The following NRG2 variants were observed in gnomAD, a reference collection of about 807,000 sequenced individuals.
The protein encoded by NRG2 is pro-neuregulin-2, membrane-bound isoform.
Under a neutral mutation model 73.9 loss-of-function variants are expected in NRG2, and 27 were observed. The observed-to-expected ratio is 0.37, with a 90% CI of 0.27 to 0.50. The LOEUF (loss-of-function observed/expected upper bound fraction) is 0.50, where lower values mean the gene tolerates loss of function less well. Among genes scored for constraint, NRG2 ranks in the 20% least tolerant of loss-of-function variants. NRG2 has a pLI of 0.96. For missense variants in NRG2, 1,126 were observed against 1,210.1 expected (o/e 0.93, Z 1.03); for synonymous variants, 532 against 541.0 (o/e 0.98, Z 0.23).
At chr5:139,914,089 G>A (rs978107856) in intron 1 of NRG2, among the ~76,000 whole-genome samples, 1 of 152,316 alleles carries the variant, frequency 6.6e-6, no homozygotes, top group South Asian at 2.1e-4. Context: ...CCAGGAGGTT[G>A]AGGCTGCTGT....
intron 1 of NRG2, among the ~76,000 whole-genome samples, chr5:139,949,584 AT>A (rs1335245776): frequency 2.0e-5 from 3 of 152,148 alleles, no homozygotes; most frequent in Admixed American, 6.5e-5. Context: ...GTACATATAT[AT>A]TTTTTTCCTT....
intron 1 of NRG2, among the ~76,000 whole-genome samples, chr5:140,010,801 C>A (rs1008585066): frequency 2.6e-5 from 4 of 152,194 alleles, no homozygotes; most frequent in African/African-American, 4.8e-5. Flanking sequence ...ATAGCCAGAA[C>A]CCTCAGTGAT....
intron 1 of NRG2, among the ~76,000 whole-genome samples, chr5:139,960,930 T>C (rs1353628239): frequency 6.6e-6 from 1 of 152,196 alleles, no homozygotes; most frequent in Non-Finnish European, 1.5e-5. Flanking sequence ...CCCAGCCTCC[T>C]GCCAGCTCCT....
At position 139,904,385 on chromosome 5, in the gene NRG2, T is replaced by A; in HGVS notation, c.701-16874A>T. Reference sequence around the variant, plus strand: ...TTGCCGCGGCCGCGGCCCCTCCTCCTGGACTCCGACATTCTGCACGGGGTC... The same window carrying A: ...TTGCCGCGGCCGCGGCCCCTCCTCCAGGACTCCGACATTCTGCACGGGGTC... On this transcript the variant is annotated intron_variant, in intron 1 of 9. Coordinates refer to ENST00000361474, the MANE Select transcript of NRG2 (RefSeq NM_004883.3). The surrounding 1 kb of genome is among the most constrained non-coding windows in gnomAD (Gnocchi z 6.0). 1 of 1,570,462 alleles carries A rather than the reference T, an allele frequency of 6.4e-7. No individual in the cohort carries two copies. Among genetic ancestry groups the A allele is most frequent in the Non-Finnish European group, 8.6e-7 (1 of 1,161,158 alleles).
Position 139,870,166 on chromosome 5 carries a change from A to C in NRG2, c.1112+1555T>G, listed in dbSNP as rs942806396. Among the ~76,000 whole-genome samples the C allele has an allele frequency of 2.0e-5, 3 of 151,982 alleles. No homozygotes were observed. Among genetic ancestry groups the C allele is most frequent in the Admixed American group, 6.5e-5 (1 of 15,274 alleles). ...ATTTCTAGTAGATCTGTTCCAAAGAACTCTGAGCAAGTTTCACAGCTAGAA... is the reference window on the plus strand; with the variant it reads ...ATTTCTAGTAGATCTGTTCCAAAGACCTCTGAGCAAGTTTCACAGCTAGAA... On this transcript the variant is annotated intron_variant, in intron 4 of 9. Transcript: ENST00000361474. The surrounding 1 kb of genome is among the most constrained non-coding windows in gnomAD (Gnocchi z 4.4).
chr5:139,975,614 C>T (rs1756326075), intron 1 of NRG2, among the ~76,000 whole-genome samples: 1 of 152,214 alleles, frequency 6.6e-6, no homozygotes, highest in South Asian at 2.1e-4. Flanking sequence ...CTCCAGAGCC[C>T]TAGGGCCATC....
chr5:140,039,931 T>C (rs916979600), intron 1 of NRG2, among the ~76,000 whole-genome samples: 4 of 152,242 alleles, frequency 2.6e-5, no homozygotes, highest in Non-Finnish European at 5.9e-5. Context: ...TTCTTTAGAA[T>C]AGAAAACAGA....
At chr5:139,858,314 C>T (rs968985927) in intron 5 of NRG2, among the ~76,000 whole-genome samples, 1 of 152,188 alleles carries the variant, frequency 6.6e-6, no homozygotes, top group Non-Finnish European at 1.5e-5. Flanking sequence ...CTGCAGGACT[C>T]CCCCCTGGTT....
intron 1 of NRG2, among the ~76,000 whole-genome samples, chr5:139,943,236 T>A (rs1339298502): frequency 6.6e-6 from 1 of 152,188 alleles, no homozygotes; most frequent in African/African-American, 2.4e-5. Context: ...AACCTCTGCC[T>A]CCCAGGTTCA....
At chr5:139,932,205 T>C (rs1752510945) in intron 1 of NRG2, among the ~76,000 whole-genome samples, 1 of 150,324 alleles carries the variant, frequency 6.7e-6, no homozygotes, top group Admixed American at 6.6e-5. Context: ...GATGGATGAA[T>C]GGATAAAGAA....
At chr5:139,937,551 TC>T (rs1043394576) in intron 1 of NRG2, among the ~76,000 whole-genome samples, 1 of 152,014 alleles carries the variant, frequency 6.6e-6, no homozygotes, top group African/African-American at 2.4e-5. Context: ...ATGCAGAAAA[TC>T]CTAAGGAATC....
chr5:139,957,775 C>T (rs898916859), intron 1 of NRG2, among the ~76,000 whole-genome samples: 1 of 152,112 alleles, frequency 6.6e-6, no homozygotes, highest in Non-Finnish European at 1.5e-5. Flanking sequence ...CTGGAGTAAG[C>T]AAGATAAAAG....
chr5:139,966,386 C>G (rs1755519484), intron 1 of NRG2, among the ~76,000 whole-genome samples: 1 of 152,202 alleles, frequency 6.6e-6, no homozygotes, highest in Admixed American at 6.5e-5. Context: ...CTGGCCCCTT[C>G]CCTTACGGAG....
Position 139,851,852 on chromosome 5 carries a change from G to A in NRG2, c.1545-21C>T. On this transcript the variant is annotated intron_variant, in intron 8 of 9. Transcript: ENST00000361474. The surrounding 1 kb of genome is among the most constrained non-coding windows in gnomAD (Gnocchi z 4.2). ...CGTGTCTGGGAAGGCCAGATGGGGT[G>A]AGACGAGGGGTCAGGAAGGGGCAGG... 6.2e-7 allele frequency: 1 copy of A among 1,610,940 alleles called. No homozygotes were observed. Among genetic ancestry groups the A allele is most frequent in the East Asian group, 2.2e-5 (1 of 44,812 alleles).
At chr5:139,981,082 C>A (rs1047329040) in intron 1 of NRG2, among the ~76,000 whole-genome samples, 2 of 152,166 alleles carry the variant, frequency 1.3e-5, no homozygotes, top group African/African-American at 4.8e-5. Flanking sequence ...TGTGGTGTGA[C>A]TGATACAGAG....
intron 1 of NRG2, among the ~76,000 whole-genome samples, chr5:139,908,290 A>C (rs192802123): frequency 5.3e-5 from 8 of 152,288 alleles, no homozygotes; most frequent in Non-Finnish European, 1.0e-4. Flanking sequence ...ATCTGACTGG[A>C]ATGTGCAGGA....
At chr5:139,891,376 G>A (rs1003552808) in intron 1 of NRG2, among the ~76,000 whole-genome samples, 3 of 152,136 alleles carry the variant, frequency 2.0e-5, no homozygotes, top group East Asian at 1.9e-4. Flanking sequence ...ACACAGGACC[G>A]CATTTCAGAT....
rs756281194 is a variant in NRG2, at chr5:140,042,946, C to CGCTGCT, written c.118_123dup (p.Ser40_Ser41dup). 3.7e-5 allele frequency: 56 copies of CGCTGCT among 1,532,660 alleles called. No homozygotes were observed. Among genetic ancestry groups the CGCTGCT allele is most frequent in the Middle Eastern group, 1.9e-4 (1 of 5,392 alleles). 94.9% of individuals were successfully genotyped at this position (1,532,660 alleles called of 1,614,324 possible). ...CTGCTCCTGCTGCTGCTGCCGCTCT[C>CGCTGCT]GCTGCTGCTGCTGCTGCTGCTGCTG... On this transcript the variant is annotated inframe_insertion, in exon 1 of 10. Coordinates refer to ENST00000361474, the MANE Select transcript of NRG2 (RefSeq NM_004883.3).
chr5:139,932,843 G>A (rs192337007), intron 1 of NRG2, among the ~76,000 whole-genome samples: 1 of 151,928 alleles, frequency 6.6e-6, no homozygotes, highest in Non-Finnish European at 1.5e-5. Flanking sequence ...CAGACATATT[G>A]GATGGTTAAA....
Sources: allele counts gnomAD v4.1 joint callset (sites outside exome capture counted in the v4.1 genomes callset), GRCh38; gene constraint gnomAD v4.1.1; non-coding constraint Gnocchi (gnomAD v3.1); transcripts MANE v1.5; gene names NCBI Gene and HGNC (gene_info 2026-07-23, HGNC 2026-07-21).